The following A2ML1 variants were observed in gnomAD, a reference collection of about 807,000 sequenced individuals.
A2ML1 encodes alpha-2-macroglobulin-like protein 1.
In A2ML1, 161 loss-of-function variants were observed where a neutral mutation model predicts 181.9. The observed-to-expected ratio is 0.89, with a 90% CI of 0.78 to 1.01. The LOEUF (loss-of-function observed/expected upper bound fraction) is 1.01, where lower values mean the gene tolerates loss of function less well. A2ML1 is among the 50% of genes least tolerant of loss of function. The pLI, the probability that A2ML1 is intolerant of heterozygous loss-of-function variation, is 0.00. For synonymous variants in A2ML1, 663 were observed against 666.8 expected (o/e 0.99, Z 0.09); for missense variants, 1,670 against 1,768.1 (o/e 0.94, Z 1.00).
At chr12:8,843,095 A>G (rs1249037062) in intron 11 of A2ML1, 39 bp from the exon 12 acceptor site, 2 of 1,580,236 alleles carry the variant, frequency 1.3e-6, no homozygotes, top group South Asian at 2.2e-5. Flanking sequence ...CCATGGTTGG[A>G]GCACATGCTA....
At chr12:8,832,727 G>A (rs1320867536) in intron 4 of A2ML1, among the ~76,000 whole-genome samples, 1 of 152,174 alleles carries the variant, frequency 6.6e-6, no homozygotes, top group Non-Finnish European at 1.5e-5. Context: ...CTGAGAGGGG[G>A]CGTAGTGAGG....
intron 7 of A2ML1, among the ~76,000 whole-genome samples, chr12:8,882,647 T>A (rs1009424413): frequency 2.0e-5 from 3 of 152,124 alleles, no homozygotes; most frequent in African/African-American, 7.2e-5. Context: ...TAGAATTGTG[T>A]CAGGTGATGT....
chr12:8,845,085 T>C (rs1943621199), intron 12 of A2ML1: 3 of 1,444,578 alleles, frequency 2.1e-6, no homozygotes, highest in African/African-American at 2.9e-5. Flanking sequence ...AAAACACTTA[T>C]GAGGATAGAT....
At chr12:8,845,581 C>T in intron 13 of A2ML1, 79 bp downstream of exon 13, 1 of 1,456,084 alleles carries the variant, frequency 6.9e-7, no homozygotes, top group Non-Finnish European at 9.5e-7. Context: ...GGCGCGGTGG[C>T]TCATGCCTGT....
chr12:8,832,996 C>T (rs1204534818), intron 4 of A2ML1, among the ~76,000 whole-genome samples: 12 of 16,570 alleles, frequency 7.2e-4, no homozygotes, highest in East Asian at 4.7e-3. Context: ...TTTTTTGAGA[C>T]GGAGTTTCGC....
intron 29 of A2ML1, among the ~76,000 whole-genome samples, chr12:8,865,464 G>A (rs959334292): frequency 2.0e-5 from 3 of 152,170 alleles, no homozygotes; most frequent in South Asian, 2.1e-4. Context: ...GCTTGAACCC[G>A]GGAGGCAGAG....
rs1281268672 is a variant in A2ML1 at position 8,867,812 on chromosome 12, G to C, written c.3718-30G>C. The C allele has an allele frequency of 2.5e-6, 4 of 1,587,684 alleles. No individual in the cohort carries two copies. The African/African-American group carries it at 4.0e-5, about 16-fold the overall frequency. On this transcript the variant is annotated intron_variant, in intron 29 of 35. Coordinates refer to ENST00000299698, the MANE Select transcript of A2ML1 (RefSeq NM_144670.6). ...GGTTAATTCCAATGGCTCACAAAAT[G>C]GTAAGTATACGTTTGGTTGTTTCCC... is the stretch of plus-strand genomic sequence containing the variant.
intron 3 of A2ML1, among the ~76,000 whole-genome samples, chr12:8,825,005 C>T (rs951583921): frequency 6.6e-6 from 1 of 152,186 alleles, no homozygotes; most frequent in Non-Finnish European, 1.5e-5. Context: ...TTCATAGACA[C>T]TTAGGTTGCT....
intron 26 of A2ML1, among the ~76,000 whole-genome samples, chr12:8,858,742 T>C (rs1042404849): frequency 1.3e-5 from 2 of 152,000 alleles, no homozygotes; most frequent in East Asian, 3.9e-4. Flanking sequence ...GGCCAGAAAT[T>C]TGTGTTTTGA....
At position 8,846,245 on chromosome 12, in the gene A2ML1, T is replaced by A. The variant is rs746415872; in HGVS notation, c.1683+23T>A. On this transcript the variant is annotated intron_variant, in intron 14 of 35. Transcript: ENST00000299698. ...CAGGTAAAATGATAGCGGAGAAGGG[T>A]GAAGATAAAAGTTGGGCATAGAGAA... is the stretch of plus-strand genomic sequence containing the variant. 13 of 1,612,734 alleles carry A rather than the reference T, an allele frequency of 8.1e-6. No individual in the cohort carries two copies. The African/African-American group carries it at 1.3e-4, about 17-fold the overall frequency.
At chr12:8,871,041 C>T (rs1406456217) in intron 33 of A2ML1, among the ~76,000 whole-genome samples, 2 of 152,180 alleles carry the variant, frequency 1.3e-5, no homozygotes, top group Non-Finnish European at 2.9e-5. Context: ...GATGAACTTA[C>T]ACTATAAGCG....
intron 24 of A2ML1, 70 bp downstream of exon 24, chr12:8,857,410 G>C: frequency 6.2e-7 from 1 of 1,607,008 alleles, no homozygotes; most frequent in Non-Finnish European, 8.5e-7. Context: ...TGATGATACA[G>C]GGAATTCCAG....
Position 8,863,959 on chromosome 12 carries a change from C to T in A2ML1, c.3668C>T (p.Ala1223Val), listed in dbSNP as rs1944355931. Reference sequence around the variant, plus strand: ...ATAGCGAAGGCCACTAGCATAGTGGCTTGGTTGGCCAAGCAACACAATGCA... The same window carrying T: ...ATAGCGAAGGCCACTAGCATAGTGGTTTGGTTGGCCAAGCAACACAATGCA... Reference protein sequence around the residue: ...KEIAKATSIVAWLAKQHNAYG... With the variant: ...KEIAKATSIVVWLAKQHNAYG... The change falls in exon 29 of 36, where the codon GCT (alanine) becomes GTT (valine). Residue 1223 changes from alanine to valine, a missense_variant. Transcript: ENST00000299698. The T allele has an allele frequency of 1.2e-6, 2 of 1,612,950 alleles. No homozygotes were observed. The highest frequency in any genetic ancestry group is 1.7e-6 in the Non-Finnish European group (2 of 1,179,658).
At chr12:8,865,463 C>T (rs1033388560) in intron 29 of A2ML1, among the ~76,000 whole-genome samples, 6 of 152,140 alleles carry the variant, frequency 3.9e-5, no homozygotes, top group South Asian at 2.1e-4. Flanking sequence ...CGCTTGAACC[C>T]GGGAGGCAGA....
At position 8,846,218 on chromosome 12, in the gene A2ML1, A is replaced by G. The variant is rs751671669; in HGVS notation, c.1679A>G (p.Asn560Ser). The change falls in exon 14 of 36, where the codon AAT becomes AGT. Residue 560 changes from asparagine to serine, a missense_variant. Asn to Ser is a conservative substitution (Grantham distance 46). Coordinates refer to ENST00000299698, the MANE Select transcript of A2ML1 (RefSeq NM_144670.6). ...TTCTCAGTCGAGATGTGCTTTGACA[A>G]TCAGGTAAAATGATAGCGGAGAAGG... ...IQFSVEMCFD[N>S]QVSLGFSPSQ... 2.5e-6 allele frequency: 4 copies of G among 1,614,050 alleles called. No homozygotes were observed. Among genetic ancestry groups the G allele is most frequent in the Non-Finnish European group, 2.5e-6 (3 of 1,180,012 alleles).
chr12:8,835,747 C>T (rs1386451693), intron 6 of A2ML1, 81 bp downstream of exon 6: 8 of 1,560,364 alleles, frequency 5.1e-6, no homozygotes, highest in East Asian at 4.5e-5. Context: ...GGCGCAGTGG[C>T]TCACGCCTGT....
At position 8,861,261 on chromosome 12, in the gene A2ML1, C is replaced by T. The variant is rs915659031; in HGVS notation, c.3466C>T (p.Leu1156Phe). The T allele has an allele frequency of 8.4e-5, 136 of 1,614,004 alleles. No individual in the cohort carries two copies. The highest frequency in any genetic ancestry group is 1.1e-4 in the Non-Finnish European group (133 of 1,180,044). ...LAGEMDIRNI[L>F]LKQLDQQAII... ...TGGGGAAATGGACATCAGAAACATT[C>T]TCCTTAAACAGTTAGATCAACAGGC... Residue 1156 changes from leucine (L) to phenylalanine (F), a missense_variant, in exon 28 of 36, where the codon CTC becomes TTC. Transcript: ENST00000299698.
Position 8,861,701 on chromosome 12 carries a change from A to G in A2ML1, c.3502+404A>G, listed in dbSNP as rs375954466. On this transcript the variant is annotated intron_variant, in intron 28 of 35. Coordinates refer to ENST00000299698, the MANE Select transcript of A2ML1 (RefSeq NM_144670.6). ...ACGGGGTTTCACCGTGTTAGCCAGG[A>G]TGGTCTCGATCTCCTGACCTCATGA... Among the ~76,000 whole-genome samples, 651 of 151,620 alleles carry G rather than the reference A, an allele frequency of 4.3e-3. 7 individuals are homozygous for G. The highest frequency in any genetic ancestry group is 0.015 in the African/African-American group (628 of 41,234).
At chr12:8,841,684 C>T (rs1456815610) in intron 11 of A2ML1, 148 bp downstream of exon 11, 2 of 740,982 alleles carry the variant, frequency 2.7e-6, no homozygotes, top group African/African-American at 3.6e-5. Flanking sequence ...AAAAAGTTTT[C>T]CTTAGATGCT....
Sources: gnomAD v4.1 joint callset for allele counts (sites outside exome capture counted in the v4.1 genomes callset) on GRCh38, gnomAD v4.1.1 for gene constraint, MANE v1.5 for transcripts, NCBI Gene and HGNC (gene_info 2026-07-23, HGNC 2026-07-21) for gene names.